DOP1B: variants seen among roughly 807,000 people sequenced by gnomAD.
DOP1B encodes protein DOP1B.
DOP1B carries 174 observed loss-of-function variants against 233.5 expected under a neutral mutation model. That is an observed-to-expected ratio of 0.75 (90% CI 0.66 to 0.85). The LOEUF (loss-of-function observed/expected upper bound fraction) is 0.85, where lower values mean the gene tolerates loss of function less well. DOP1B is among the 40% of genes least tolerant of loss of function. The pLI is 0.00. For synonymous variants in DOP1B, 1,190 were observed against 1,185.6 expected (o/e 1.00, Z -0.08); for missense variants, 2,652 against 2,846.6 (o/e 0.93, Z 1.56).
At chr21:36,207,910 G>T (rs1329164998) in intron 4 of DOP1B, among the ~76,000 whole-genome samples, 1 of 152,218 alleles carries the variant, frequency 6.6e-6, no homozygotes, top group East Asian at 1.9e-4. Flanking sequence ...GCAGTCAGCT[G>T]CAGGGACACC....
In DOP1B at chr21:36,239,841, C is replaced by T. The variant is rs187150080; in HGVS notation, c.2953C>T (p.Arg985Cys). 9 of 1,577,740 alleles carry T rather than the reference C, an allele frequency of 5.7e-6. No individual in the cohort carries two copies. Among genetic ancestry groups the T allele is most frequent in the South Asian group, 3.5e-5 (3 of 86,898 alleles). ...TGCGGCAGCCCAGGGCTGGCTGGTGCGTGCGCTCTCCCTCGGGGACGTGGC... is the reference window on the plus strand; with the variant it reads ...TGCGGCAGCCCAGGGCTGGCTGGTGTGTGCGCTCTCCCTCGGGGACGTGGC... Reference protein sequence around the residue: ...IGAAAQGWLVRALSLGDVARI... With the variant: ...IGAAAQGWLVCALSLGDVARI... The change falls in exon 18 of 37, where the codon CGT becomes TGT. Residue 985 changes from arginine (R) to cysteine (C), a missense_variant. By Grantham distance (180) the Arg-to-Cys change is radical. Coordinates refer to ENST00000691173, the MANE Select transcript of DOP1B (RefSeq NM_001320714.2).
rs1429055932 is a variant in DOP1B at position 36,263,597 on chromosome 21, G to C, written c.5367G>C (p.Leu1789Phe). 6.2e-7 allele frequency: 1 copy of C among 1,614,070 alleles called. No individual in the cohort carries two copies. Among genetic ancestry groups the C allele is most frequent in the Non-Finnish European group, 8.5e-7 (1 of 1,180,062 alleles). Residue 1789 changes from leucine to phenylalanine, a missense_variant, in exon 25 of 37, where the codon TTG becomes TTC. Physicochemically the swap from Leu to Phe is conservative, Grantham distance 22. Around this residue, in one of 3 missense-constraint regions of DOP1B, gnomAD observed 2,617 missense variants for 2,794.3 expected, o/e 0.94. Coordinates refer to ENST00000691173, the MANE Select transcript of DOP1B (RefSeq NM_001320714.2). ...ACTTTTCTTCACTGTTGGGAGTATTGAAAGAGTCTGTACAGTTGAATCTAG... is the reference window on the plus strand; with the variant it reads ...ACTTTTCTTCACTGTTGGGAGTATTCAAAGAGTCTGTACAGTTGAATCTAG... The part of the protein sequence containing the change: ...QENFSSLLGV[L>F]KESVQLNLAP...
chr21:36,201,273 T>C (rs1029656847), intron 4 of DOP1B, among the ~76,000 whole-genome samples: 2 of 151,470 alleles, frequency 1.3e-5, no homozygotes, highest in Non-Finnish European at 2.9e-5. Flanking sequence ...GGTCAGAGGG[T>C]AAGAAGGTTT....
intron 1 of DOP1B, among the ~76,000 whole-genome samples, chr21:36,158,686 C>T (rs191829679): frequency 1.2e-3 from 179 of 151,756 alleles, no homozygotes; most frequent in African/African-American, 4.1e-3. Flanking sequence ...GCCTGTAGTC[C>T]CAGCTACTCG....
At chr21:36,203,666 G>A (rs1028818652) in intron 4 of DOP1B, among the ~76,000 whole-genome samples, 2 of 151,814 alleles carry the variant, frequency 1.3e-5, no homozygotes, top group East Asian at 1.9e-4. Context: ...TGATGAGCAC[G>A]TGGGTAGAAA....
rs186597568 is a variant in DOP1B at position 36,263,483 on chromosome 21, T to A, written c.5316-63T>A. On this transcript the variant is annotated intron_variant, in intron 24 of 36. Transcript: ENST00000691173. ...CAACTGCCAGGATCTTAAATATGCT[T>A]ATAAATAAATGTATTTTGACTTGTT... 4 of 1,423,632 alleles carry A rather than the reference T, an allele frequency of 2.8e-6. No homozygotes were observed. In the African/African-American group the frequency reaches 5.7e-5, roughly 20 times the overall value. 88.2% of individuals were successfully genotyped at this position (1,423,632 alleles called of 1,614,324 possible). A position where few individuals can be genotyped will look rare whatever the true frequency, so the allele number is the denominator to read the frequency against.
intron 15 of DOP1B, among the ~76,000 whole-genome samples, chr21:36,235,042 A>T (rs143111502): frequency 6.6e-6 from 1 of 152,308 alleles, no homozygotes; most frequent in Non-Finnish European, 1.5e-5. Context: ...TATTGTTAGC[A>T]GTAGTCACCC....
rs184595777 is a variant in DOP1B, at chr21:36,167,135, C to A, written c.138+2264C>A. On this transcript the variant is annotated intron_variant, in intron 2 of 36. Coordinates refer to ENST00000691173, the MANE Select transcript of DOP1B (RefSeq NM_001320714.2). Reference sequence around the variant, plus strand: ...CTTCTGGATGTTTCACTTTTCAGTACTCAGCCCTCCTGGAGTCTAAGAACA... The same window carrying A: ...CTTCTGGATGTTTCACTTTTCAGTAATCAGCCCTCCTGGAGTCTAAGAACA... Among the ~76,000 whole-genome samples, 338 of 152,300 alleles carry A rather than the reference C, an allele frequency of 2.2e-3. 1 individual carries two copies. Among genetic ancestry groups the A allele is most frequent in the African/African-American group, 7.5e-3 (312 of 41,580 alleles).
intron 5 of DOP1B, among the ~76,000 whole-genome samples, chr21:36,209,995 C>T (rs937196200): frequency 9.2e-5 from 14 of 152,102 alleles, no homozygotes; most frequent in South Asian, 4.1e-4. Context: ...AAAAGCGCCT[C>T]GCACAATGAT....
intron 2 of DOP1B, among the ~76,000 whole-genome samples, chr21:36,185,744 A>G (rs1573306): frequency 0.39 from 59,579 of 152,038 alleles, 11,707 homozygotes; most frequent in Admixed American, 0.43. Flanking sequence ...AACTTCCTCT[A>G]TGGGAAGACA....
In DOP1B at chr21:36,257,778, AGGTAGGTAGGTAGGTAGATGTAG is replaced by A. The variant is rs1175232768; in HGVS notation, c.5260-2890_5260-2868del. On this transcript the variant is annotated intron_variant, in intron 23 of 36. Transcript: ENST00000691173. ...TGTAGGTAGGTAGGTAGAGAGATGT[AGGTAGGTAGGTAGGTAGATGTAG>A]GGTAGGTATGTAGATAGATGTAGGT... is the stretch of plus-strand genomic sequence containing the variant. Among the ~76,000 whole-genome samples the A allele has an allele frequency of 1.3e-3, 121 of 91,610 alleles. 2 individuals carry two copies. The highest frequency in any genetic ancestry group is 6.6e-3 in the African/African-American group (115 of 17,432). 60.1% of individuals were successfully genotyped at this position (91,610 alleles called of 152,430 possible).
intron 2 of DOP1B, among the ~76,000 whole-genome samples, chr21:36,196,718 A>G (rs989809759): frequency 1.3e-5 from 2 of 152,042 alleles, no homozygotes; most frequent in Admixed American, 6.6e-5. Context: ...AGACCAGTTG[A>G]TCATTCTGAG....
chr21:36,270,160 A>G lies in DOP1B; in HGVS notation c.5632+3A>G, dbSNP rs1314789301. The G allele has an allele frequency of 9.9e-6, 16 of 1,613,424 alleles. No homozygotes were observed. The highest frequency in any genetic ancestry group is 1.4e-5 in the Non-Finnish European group (16 of 1,179,780). ...TGATGCTGAGGAGGACCTGTATGGTAGGTGGAGATGGGTTGGCTGATAGTG... is the reference window on the plus strand; with the variant it reads ...TGATGCTGAGGAGGACCTGTATGGTGGGTGGAGATGGGTTGGCTGATAGTG... On this transcript the variant is annotated splice_donor_region_variant and intron_variant, in intron 27 of 36. Coordinates refer to ENST00000691173, the MANE Select transcript of DOP1B (RefSeq NM_001320714.2).
At chr21:36,205,009 G>C (rs1250035062) in intron 4 of DOP1B, among the ~76,000 whole-genome samples, 1 of 152,182 alleles carries the variant, frequency 6.6e-6, no homozygotes, top group Admixed American at 6.5e-5. Context: ...GTGCTGGTTC[G>C]AGGCTTTTTT....
chr21:36,197,781 G>A (rs1355805704), intron 2 of DOP1B, among the ~76,000 whole-genome samples: 1 of 152,154 alleles, frequency 6.6e-6, no homozygotes, highest in African/African-American at 2.4e-5. Flanking sequence ...AGGCCGAGGC[G>A]GGTGGATCCC....
intron 4 of DOP1B, among the ~76,000 whole-genome samples, chr21:36,207,434 C>T (rs914831744): frequency 8.6e-5 from 13 of 151,880 alleles, no homozygotes; most frequent in Admixed American, 2.0e-4. Flanking sequence ...ATCCACCCGC[C>T]TCAGCCTCCC....
chr21:36,170,019 G>A, intron 2 of DOP1B: 1 of 742,622 alleles, frequency 1.3e-6, no homozygotes, highest in Non-Finnish European at 2.5e-6. Flanking sequence ...GTGTGATGTG[G>A]GTCATGCCAG....
At chr21:36,286,450 C>G (rs2067484602) in intron 32 of DOP1B, among the ~76,000 whole-genome samples, 1 of 151,484 alleles carries the variant, frequency 6.6e-6, no homozygotes. Context: ...GCATGGCCAA[C>G]ATGGTGAAAC....
intron 16 of DOP1B, 148 bp from the exon 17 acceptor site, chr21:36,238,453 A>AAAGGAGAATGCAGC: frequency 1.5e-6 from 1 of 658,080 alleles, no homozygotes; most frequent in South Asian, 1.8e-5. Context: ...TGGCCGAATC[A>AAAGGAGAATGCAGC]GTCAAAGGAG....
Sources: allele counts gnomAD v4.1 joint callset (sites outside exome capture counted in the v4.1 genomes callset), GRCh38; gene constraint gnomAD v4.1.1; regional missense constraint gnomAD v4.1.1; transcripts MANE v1.5; gene names NCBI Gene and HGNC (gene_info 2026-07-23, HGNC 2026-07-21).